The following PRKCE variants were observed in gnomAD, a reference collection of about 807,000 sequenced individuals.
PRKCE encodes protein kinase C epsilon.
PRKCE carries 16 observed loss-of-function variants against 85.4 expected under a neutral mutation model. The ratio of observed to expected loss-of-function variants is 0.19; its 90% CI spans 0.13 to 0.28. The LOEUF is 0.28. Among genes scored for constraint, PRKCE ranks in the 10% least tolerant of loss-of-function variants. PRKCE has a pLI of 1.00. For synonymous variants in PRKCE, 388 were observed against 371.5 expected (o/e 1.04, Z -0.51); for missense variants, 573 against 975.2 (o/e 0.59, Z 5.49).
At chr2:45,830,349 T>G (rs576905838) in intron 1 of PRKCE, among the ~76,000 whole-genome samples, 38 of 151,924 alleles carry the variant, frequency 2.5e-4, no homozygotes, top group African/African-American at 8.9e-4. Flanking sequence ...TGCCTGTACA[T>G]GAGAAAGGCA....
At chr2:46,140,543 C>T (rs1675413740) in intron 11 of PRKCE, among the ~76,000 whole-genome samples, 1 of 152,176 alleles carries the variant, frequency 6.6e-6, no homozygotes, top group Non-Finnish European at 1.5e-5. Context: ...ATATCAGAGA[C>T]TTACATTTAC....
intron 11 of PRKCE, among the ~76,000 whole-genome samples, chr2:46,142,422 C>T (rs1675633827): frequency 6.6e-6 from 1 of 152,224 alleles, no homozygotes; most frequent in Admixed American, 6.5e-5. Flanking sequence ...AGGAAAGGAA[C>T]TTAAGTCCCT....
intron 1 of PRKCE, among the ~76,000 whole-genome samples, chr2:45,837,636 G>C (rs753939090): frequency 1.2e-4 from 18 of 152,170 alleles, no homozygotes; most frequent in African/African-American, 1.7e-4. Flanking sequence ...ACCTCCTGGG[G>C]TTGTGCAGCT....
intron 10 of PRKCE, among the ~76,000 whole-genome samples, chr2:46,061,869 T>TC (rs1667173520): frequency 6.9e-6 from 1 of 144,310 alleles, no homozygotes; most frequent in South Asian, 2.1e-4. Flanking sequence ...CTTTTTTTTT[T>TC]TTTTTTTTGC....
At chr2:45,930,962 G>C (rs566223041) in intron 2 of PRKCE, among the ~76,000 whole-genome samples, 1 of 152,314 alleles carries the variant, frequency 6.6e-6, no homozygotes, top group African/African-American at 2.4e-5. Context: ...GCGTGCTGCT[G>C]TTGGGCACAT....
chr2:45,723,860 C>G (rs1282615356), intron 1 of PRKCE, among the ~76,000 whole-genome samples: 4 of 152,190 alleles, frequency 2.6e-5, no homozygotes, highest in Non-Finnish European at 5.9e-5. Context: ...GCCTCGGCCT[C>G]CCAAAGTGCT....
rs1416693680 is a variant in PRKCE at position 45,925,935 on chromosome 2, G to T, written c.413-50494G>T. Reference sequence around the variant, plus strand: ...GGCCCAGGCCAGGGATAACCTGAGGGTGCGATTCGGTGGGGGAGGCAAGGC... The same window carrying T: ...GGCCCAGGCCAGGGATAACCTGAGGTTGCGATTCGGTGGGGGAGGCAAGGC... On this transcript the variant is annotated intron_variant, in intron 2 of 14. Transcript: ENST00000306156. 1.3e-5 allele frequency among the ~76,000 whole-genome samples: 2 copies of T among 152,230 alleles called. 1 individual carries two copies. The highest frequency in any genetic ancestry group is 4.1e-4 in the South Asian group (2 of 4,832).
At chr2:45,874,306 C>G (rs1022386467) in intron 2 of PRKCE, among the ~76,000 whole-genome samples, 7 of 152,224 alleles carry the variant, frequency 4.6e-5, no homozygotes, top group African/African-American at 1.7e-4. Context: ...GTTGTTGAAC[C>G]AGCTGCTGGT....
Position 45,897,728 on chromosome 2 carries a change from G to C in PRKCE, c.412+54665G>C, listed in dbSNP as rs1176747246. Among the ~76,000 whole-genome samples the C allele has an allele frequency of 5.3e-5, 8 of 152,164 alleles. No homozygotes were observed. In the South Asian group the frequency reaches 1.7e-3, roughly 32 times the overall value. On this transcript the variant is annotated intron_variant, in intron 2 of 14. Transcript: ENST00000306156. ...GTAAGAGGAGTCAAGGTCAGTGTGG[G>C]GGGTACTGAGATGGAGAAAACAGCA...
Position 46,155,806 on chromosome 2 carries a change from T to C in PRKCE, c.1921-3800T>C, listed in dbSNP as rs75803261. ...TACCTTTCTCCATCCTTCTCCCCACTATCCCCATTGGAGCCACCACCGCCT... is the reference window on the plus strand; with the variant it reads ...TACCTTTCTCCATCCTTCTCCCCACCATCCCCATTGGAGCCACCACCGCCT... On this transcript the variant is annotated intron_variant, in intron 13 of 14. Transcript: ENST00000306156. The surrounding 1 kb of genome is among the most constrained non-coding windows in gnomAD (Gnocchi z 4.7). 0.074 allele frequency among the ~76,000 whole-genome samples: 11,188 copies of C among 152,146 alleles called. 417 individuals carry two copies. Among genetic ancestry groups the C allele is most frequent in the Middle Eastern group, 0.082 (24 of 294 alleles).
chr2:46,013,457 C>CGCTCTA (rs919354841), intron 10 of PRKCE, among the ~76,000 whole-genome samples: 1 of 152,102 alleles, frequency 6.6e-6, no homozygotes, highest in African/African-American at 2.4e-5. Context: ...GTCTTCCCTA[C>CGCTCTA]GATCTAGTGG....
Position 46,067,501 on chromosome 2 carries a change from G to A in PRKCE, c.1438-18707G>A, listed in dbSNP as rs548767014. Among the ~76,000 whole-genome samples, 9 of 152,258 alleles carry A rather than the reference G, an allele frequency of 5.9e-5. No homozygotes were observed. The East Asian group carries it at 1.5e-3, about 26-fold the overall frequency. On this transcript the variant is annotated intron_variant, in intron 10 of 14. Transcript: ENST00000306156. ...GCCTTTGCTCCCTGCAGTCTTTCTC[G>A]TCTCTTCCACATGTTTGGTGCGTAT...
intron 11 of PRKCE, among the ~76,000 whole-genome samples, chr2:46,095,415 C>G (rs1670589598): frequency 1.3e-5 from 2 of 152,180 alleles, no homozygotes; most frequent in Admixed American, 6.5e-5. Flanking sequence ...CATGCTTAGT[C>G]TAGAGATCCT....
At chr2:45,984,330 G>C (rs570607149) in intron 5 of PRKCE, among the ~76,000 whole-genome samples, 1 of 152,308 alleles carries the variant, frequency 6.6e-6, no homozygotes, top group East Asian at 1.9e-4. Flanking sequence ...GCCTTGCACA[G>C]TCAAATGGAG....
rs370295321 is a variant in PRKCE at position 45,679,736 on chromosome 2, G to C, written c.348+27288G>C. 1.2e-4 allele frequency among the ~76,000 whole-genome samples: 19 copies of C among 152,252 alleles called. No homozygotes were observed. The South Asian group carries it at 4.0e-3, about 32-fold the overall frequency. ...AAGAACAGGGAGCCTGTAGTCTGCG[G>C]GTGTATGTGGGGCCCTGCTGTAGTG... On this transcript the variant is annotated intron_variant, in intron 1 of 14. Coordinates refer to ENST00000306156, the MANE Select transcript of PRKCE (RefSeq NM_005400.3).
intron 2 of PRKCE, among the ~76,000 whole-genome samples, chr2:45,916,731 G>T (rs1697812824): frequency 6.6e-6 from 1 of 152,148 alleles, no homozygotes; most frequent in Non-Finnish European, 1.5e-5. Flanking sequence ...AGAGTGTCTT[G>T]TTCATACATT....
intron 2 of PRKCE, among the ~76,000 whole-genome samples, chr2:45,845,918 A>G (rs144625686): frequency 6.6e-5 from 10 of 152,340 alleles, no homozygotes; most frequent in African/African-American, 2.4e-4. Context: ...GACATCTGTC[A>G]GAGCTCGTGG....
intron 2 of PRKCE, among the ~76,000 whole-genome samples, chr2:45,886,895 G>A (rs1286290059): frequency 1.3e-5 from 2 of 152,196 alleles, no homozygotes; most frequent in Non-Finnish European, 2.9e-5. Flanking sequence ...TTCTTCACTA[G>A]AATAGTTTTT....
At position 45,844,734 on chromosome 2, in the gene PRKCE, C is replaced by A. The variant is rs887713177; in HGVS notation, c.412+1671C>A. 6.6e-5 allele frequency among the ~76,000 whole-genome samples: 10 copies of A among 152,242 alleles called. No individual in the cohort carries two copies. The South Asian group carries it at 1.2e-3, about 19-fold the overall frequency. ...TTCCTGTGCCAAGATGCTGAGCAAC[C>A]AATGGGAGGCTGGGACTATTTTCTC... On this transcript the variant is annotated intron_variant, in intron 2 of 14. Coordinates refer to ENST00000306156, the MANE Select transcript of PRKCE (RefSeq NM_005400.3).
Sources: allele counts gnomAD v4.1 joint callset (sites outside exome capture counted in the v4.1 genomes callset), GRCh38; gene constraint gnomAD v4.1.1; non-coding constraint Gnocchi (gnomAD v3.1); transcripts MANE v1.5; gene names NCBI Gene and HGNC (gene_info 2026-07-23, HGNC 2026-07-21).